Variants in MAGI2 observed in about 807,000 individuals in gnomAD.
MAGI2 encodes the protein membrane-associated guanylate kinase, WW and PDZ domain-containing protein 2.
A neutral mutation model predicts 133.3 loss-of-function variants in MAGI2; 35 were observed. The observed-to-expected ratio is 0.26, with a 90% CI of 0.20 to 0.35. The LOEUF (loss-of-function observed/expected upper bound fraction) is 0.35. MAGI2 is among the 10% of genes least tolerant of loss of function. The probability of loss-of-function intolerance (pLI) is 1.00; values close to 1 mark genes in which losing one functional copy is unlikely to be tolerated. For synonymous variants in MAGI2, 729 were observed against 710.6 expected (o/e 1.03, Z -0.41); for missense variants, 1,636 against 1,863.4 (o/e 0.88, Z 2.25).
chr7:79,046,096 A>G (rs1352100412), intron 1 of MAGI2, among the ~76,000 whole-genome samples: 1 of 152,172 alleles, frequency 6.6e-6, no homozygotes, highest in African/African-American at 2.4e-5. Context: ...TTATATTAAA[A>G]CAATTTCAAA....
chr7:78,304,612 A>G (rs1363219273), intron 9 of MAGI2, among the ~76,000 whole-genome samples: 1 of 152,226 alleles, frequency 6.6e-6, no homozygotes, highest in East Asian at 1.9e-4. Flanking sequence ...AAATAGGCAA[A>G]CATCCCTTTG....
intron 1 of MAGI2, among the ~76,000 whole-genome samples, chr7:79,068,557 T>G (rs1455734682): frequency 6.6e-6 from 1 of 152,140 alleles, no homozygotes; most frequent in African/African-American, 2.4e-5. Context: ...ATTAATTGAT[T>G]TTTTGAAGGG....
At position 78,825,425 on chromosome 7, in the gene MAGI2, G is replaced by A. The variant is rs578078158; in HGVS notation, c.418+181665C>T. ...AGTTTGACCTCCTTTGCAATTCTAG[G>A]GTAAGCTAACAGTGTTTTAATTACA... On this transcript the variant is annotated intron_variant, in intron 2 of 21. Transcript: ENST00000354212. Among the ~76,000 whole-genome samples the A allele has an allele frequency of 8.6e-5, 13 of 151,984 alleles. 1 individual carries two copies. The South Asian group carries it at 2.7e-3, about 32-fold the overall frequency.
rs189213041 is a variant in MAGI2 at position 79,070,582 on chromosome 7, C to G, written c.302-63376G>C. Among the ~76,000 whole-genome samples the G allele has an allele frequency of 8.7e-4, 132 of 152,042 alleles. 3 individuals carry two copies. In the East Asian group the frequency reaches 0.025, roughly 29 times the overall value. ...TCTCGGCTCACTGCAAGCTCCACCTCCCGGGTTTACACCATTCTCTTGCAT... is the reference window on the plus strand; with the variant it reads ...TCTCGGCTCACTGCAAGCTCCACCTGCCGGGTTTACACCATTCTCTTGCAT... On this transcript the variant is annotated intron_variant, in intron 1 of 21. Transcript: ENST00000354212.
chr7:78,573,035 GTATATATATATATATATATATATATA>G (rs765938732), intron 3 of MAGI2, among the ~76,000 whole-genome samples: 1 of 31,680 alleles, frequency 3.2e-5, no homozygotes. Context: ...GCATATGTAT[GTATATATATATATATATATATATATA>G]TATATATATA....
chr7:78,294,377 T>C (rs1797021425), intron 9 of MAGI2, among the ~76,000 whole-genome samples: 1 of 152,172 alleles, frequency 6.6e-6, no homozygotes, highest in African/African-American at 2.4e-5. Flanking sequence ...CTCATCCTAG[T>C]TGCATTATTT....
chr7:79,238,704 C>A (rs1453923043), intron 1 of MAGI2, among the ~76,000 whole-genome samples: 1 of 152,144 alleles, frequency 6.6e-6, no homozygotes, highest in Non-Finnish European at 1.5e-5. Context: ...ATTTGAGGGA[C>A]TAATTTGCTT....
At chr7:78,906,436 C>G (rs1028725785) in intron 2 of MAGI2, among the ~76,000 whole-genome samples, 2 of 152,180 alleles carry the variant, frequency 1.3e-5, no homozygotes, top group Non-Finnish European at 2.9e-5. Flanking sequence ...TCCTTATTTA[C>G]CTGCATACTG....
intron 1 of MAGI2, among the ~76,000 whole-genome samples, chr7:79,404,870 C>A (rs2129166166): frequency 6.6e-6 from 1 of 152,244 alleles, no homozygotes; most frequent in East Asian, 1.9e-4. Flanking sequence ...GGGGAACGTT[C>A]TTACCCATAT....
intron 1 of MAGI2, among the ~76,000 whole-genome samples, chr7:79,452,242 A>G (rs948329082): frequency 5.3e-5 from 8 of 151,930 alleles, no homozygotes; most frequent in East Asian, 1.9e-4. Flanking sequence ...ACAACCATTC[A>G]TCTCCTCCGA....
intron 2 of MAGI2, among the ~76,000 whole-genome samples, chr7:78,629,859 G>T (rs1449074233): frequency 1.3e-5 from 2 of 151,902 alleles, no homozygotes; most frequent in Non-Finnish European, 2.9e-5. Flanking sequence ...TTTCTTATCT[G>T]CATTACTCTC....
intron 16 of MAGI2, among the ~76,000 whole-genome samples, chr7:78,136,780 T>G (rs1186664758): frequency 6.6e-6 from 1 of 152,234 alleles, no homozygotes; most frequent in Admixed American, 6.5e-5. Context: ...ACTCTCAATC[T>G]TGCACATGCT....
intron 2 of MAGI2, among the ~76,000 whole-genome samples, chr7:78,709,514 G>T (rs1167145806): frequency 6.6e-6 from 1 of 152,132 alleles, no homozygotes; most frequent in Non-Finnish European, 1.5e-5. Context: ...CACCGTTAGA[G>T]CATTCATCAT....
At chr7:79,109,046 A>G (rs915965802) in intron 1 of MAGI2, among the ~76,000 whole-genome samples, 1 of 152,198 alleles carries the variant, frequency 6.6e-6, no homozygotes, top group East Asian at 1.9e-4. Context: ...ACCATGAGCC[A>G]ATTAAGCCTC....
chr7:78,346,598 CA>C (rs1177118032), intron 7 of MAGI2, among the ~76,000 whole-genome samples: 2 of 152,112 alleles, frequency 1.3e-5, no homozygotes, highest in Non-Finnish European at 2.9e-5. Context: ...TGAAATCAAG[CA>C]AAAGTAGAGA....
intron 1 of MAGI2, among the ~76,000 whole-genome samples, chr7:79,259,700 A>G (rs1294436712): frequency 3.3e-5 from 5 of 152,170 alleles, no homozygotes; most frequent in Non-Finnish European, 7.4e-5. Context: ...AATATTTTTC[A>G]TTACCAAATT....
At position 78,501,634 on chromosome 7, in the gene MAGI2, G is replaced by A. The variant is rs1794632725; in HGVS notation, c.908C>T (p.Pro303Leu). Residue 303 changes from proline to leucine, a missense_variant, in exon 5 of 22, where the codon CCA becomes CTA. By Grantham distance (98) the Pro-to-Leu change is moderately conservative. Around this residue, in one of 5 missense-constraint regions of MAGI2, gnomAD observed 920 missense variants for 1,093.5 expected, o/e 0.84. Coordinates refer to ENST00000354212, the MANE Select transcript of MAGI2 (RefSeq NM_012301.4). Reference protein sequence around the residue: ...TKPEDNEEPDPLPDNWEMAYT... With the variant: ...TKPEDNEEPDLLPDNWEMAYT... ...GGCCATTTCCCAGTTATCAGGCAAT[G>A]GGTCTGGTTCCTCATTGTCTTCAGG... is the stretch of plus-strand genomic sequence containing the variant. 6.2e-6 allele frequency: 10 copies of A among 1,614,016 alleles called. No homozygotes were observed. Among genetic ancestry groups the A allele is most frequent in the Non-Finnish European group, 8.5e-6 (10 of 1,180,034 alleles).
intron 1 of MAGI2, among the ~76,000 whole-genome samples, chr7:79,206,912 T>C (rs948980394): frequency 6.6e-6 from 1 of 151,838 alleles, no homozygotes; most frequent in Non-Finnish European, 1.5e-5. Flanking sequence ...ATGGCTAAAT[T>C]ACGTATATCA....
rs761755978 is a variant in MAGI2, at chr7:78,133,103, T to C, written c.3032-43A>G. On this transcript the variant is annotated intron_variant, in intron 17 of 21. Coordinates refer to ENST00000354212, the MANE Select transcript of MAGI2 (RefSeq NM_012301.4). Reference sequence around the variant, plus strand: ...AGCGGCAGATGCAGTCAGGTTAGTGTTGATAAGGGGAAAGAAGTGACTAGA... The same window carrying C: ...AGCGGCAGATGCAGTCAGGTTAGTGCTGATAAGGGGAAAGAAGTGACTAGA... 2.7e-6 allele frequency: 4 copies of C among 1,468,006 alleles called. No homozygotes were observed. The Admixed American group carries it at 7.2e-5, about 27-fold the overall frequency. The allele number at this position is 1,468,006 out of a possible 1,614,324, so 90.9% of individuals were successfully genotyped here.
Sources: gnomAD v4.1 joint callset for allele counts (sites outside exome capture counted in the v4.1 genomes callset) on GRCh38, gnomAD v4.1.1 for gene constraint, gnomAD v4.1.1 regional missense constraint, MANE v1.5 for transcripts, NCBI Gene and HGNC (gene_info 2026-07-23, HGNC 2026-07-21) for gene names.